Variants in WDFY4 observed in about 807,000 individuals in gnomAD.
WDFY4 encodes the protein WDFY family member 4.
Under a neutral mutation model 351.9 loss-of-function variants are expected in WDFY4, and 169 were observed. That is an observed-to-expected ratio of 0.48 (90% CI 0.42 to 0.55). WDFY4 has a LOEUF of 0.55. Ranked by LOEUF, WDFY4 falls within the 20% of genes least tolerant of loss-of-function variation. WDFY4 has a pLI of 0.00. For missense variants in WDFY4, 3,803 were observed against 3,935.6 expected (o/e 0.97, Z 0.90); for synonymous variants, 1,622 against 1,574.6 (o/e 1.03, Z -0.71).
chr10:48,775,916 G>T (rs1275165150), intron 15 of WDFY4, 110 bp downstream of exon 15: 1 of 1,026,016 alleles, frequency 9.7e-7, no homozygotes, highest in African/African-American at 1.6e-5. Context: ...TTTAAACATG[G>T]TTTTGTCTGC....
chr10:48,887,542 G>C (rs1183494655), intron 43 of WDFY4, among the ~76,000 whole-genome samples: 4 of 152,186 alleles, frequency 2.6e-5, no homozygotes, highest in African/African-American at 9.7e-5. Flanking sequence ...ACTTTGGGAG[G>C]CCAAGACGGG....
At position 48,890,653 on chromosome 10, in the gene WDFY4, A is replaced by G. The variant is rs1372592537; in HGVS notation, c.7242A>G (p.Gln2414=). Residue 2414 remains glutamine (Q), a synonymous_variant, in exon 44 of 62, where the codon CAA becomes CAG. Coordinates refer to ENST00000325239, the MANE Select transcript of WDFY4 (RefSeq NM_001394531.1). ...VSEGVLLFGH[Q]HFYICENFTL... ...AAGGGGTCCTGCTTTTTGGCCACCA[A>G]CACTTCTACATCTGCGAGAACTTCA... 2 of 1,551,626 alleles carry G rather than the reference A, an allele frequency of 1.3e-6. No homozygotes were observed. The highest frequency in any genetic ancestry group is 1.7e-6 in the Non-Finnish European group (2 of 1,146,964).
At chr10:48,717,131 G>C (rs1713760452) in intron 2 of WDFY4, among the ~76,000 whole-genome samples, 1 of 152,248 alleles carries the variant, frequency 6.6e-6, no homozygotes, top group South Asian at 2.1e-4. Flanking sequence ...GGCTTGTGGT[G>C]AGGATTAGTG....
intron 47 of WDFY4, among the ~76,000 whole-genome samples, chr10:48,919,100 G>A (rs1246019456): frequency 1.3e-5 from 2 of 152,028 alleles, no homozygotes; most frequent in East Asian, 3.9e-4. Context: ...CGAATTTAAA[G>A]GAGTTGAAAT....
At chr10:48,800,932 C>T (rs932754301) in intron 24 of WDFY4, among the ~76,000 whole-genome samples, 2 of 151,932 alleles carry the variant, frequency 1.3e-5, no homozygotes, top group Admixed American at 6.6e-5. Flanking sequence ...GGGATTTCAC[C>T]ATATTGGTCA....
intron 39 of WDFY4, among the ~76,000 whole-genome samples, chr10:48,837,133 CT>C (rs1183243824): frequency 6.6e-6 from 1 of 151,888 alleles, no homozygotes; most frequent in East Asian, 1.9e-4. Context: ...GTGTCATCAT[CT>C]GTTTATATAA....
At chr10:48,855,342 C>G (rs1433392157) in intron 39 of WDFY4, among the ~76,000 whole-genome samples, 1 of 152,070 alleles carries the variant, frequency 6.6e-6, no homozygotes, top group Non-Finnish European at 1.5e-5. Context: ...CCAAAGTAGT[C>G]CCTCTTTTAG....
At chr10:48,880,914 G>A (rs2070220840) in intron 43 of WDFY4, among the ~76,000 whole-genome samples, 1 of 152,060 alleles carries the variant, frequency 6.6e-6, no homozygotes, top group South Asian at 2.1e-4. Flanking sequence ...CTGGTGAGGG[G>A]AGGGTGGAGG....
intron 17 of WDFY4, 151 bp from the exon 18 acceptor site, chr10:48,778,460 A>C: frequency 2.7e-6 from 2 of 753,772 alleles, no homozygotes; most frequent in Non-Finnish European, 4.3e-6. Context: ...TTGGCAAGGC[A>C]GCATGCCATA....
At chr10:48,981,216 C>A in intron 60 of WDFY4, 151 bp from the exon 61 acceptor site, 1 of 684,816 alleles carries the variant, frequency 1.5e-6, no homozygotes, top group Non-Finnish European at 2.4e-6. Context: ...CAGCACAGGC[C>A]AAGATTAAAT....
chr10:48,737,197 A>G (rs771328567), intron 11 of WDFY4, among the ~76,000 whole-genome samples: 18 of 152,092 alleles, frequency 1.2e-4, no homozygotes, highest in African/African-American at 1.7e-4. Context: ...CTTTGCACAC[A>G]GGGGGTCTTG....
chr10:48,738,207 T>G (rs1263103018), intron 11 of WDFY4, among the ~76,000 whole-genome samples: 3 of 152,154 alleles, frequency 2.0e-5, no homozygotes, highest in African/African-American at 7.2e-5. Context: ...AGAGTAAAAG[T>G]ATTTTTGTGT....
In WDFY4 at chr10:48,890,547, C is replaced by T. The variant is rs139444877; in HGVS notation, c.7168-32C>T. On this transcript the variant is annotated intron_variant, in intron 43 of 61. Coordinates refer to ENST00000325239, the MANE Select transcript of WDFY4 (RefSeq NM_001394531.1). ...AAGAATCATGGGCATGCTTCCTGTG[C>T]ACCACCTGACTCTGCCACTCTCTCC... The T allele has an allele frequency of 1.1e-4, 170 of 1,551,284 alleles. No individual in the cohort carries two copies. The Middle Eastern group carries it at 1.8e-3, about 17-fold the overall frequency.
Position 48,978,404 on chromosome 10 carries a change from T to C in WDFY4, c.9376+11T>C. 1 of 1,547,764 alleles carries C rather than the reference T, an allele frequency of 6.5e-7. No individual in the cohort carries two copies. The highest frequency in any genetic ancestry group is 8.7e-7 in the Non-Finnish European group (1 of 1,145,282). On this transcript the variant is annotated intron_variant, in intron 60 of 61. Transcript: ENST00000325239. ...CTCCAAGCCCAAGAGGTACCTGACC[T>C]GCTAGGGATGTGGCCGTCCTGGCCT...
chr10:48,827,232 T>C (rs1368146113), intron 36 of WDFY4, among the ~76,000 whole-genome samples: 1 of 151,990 alleles, frequency 6.6e-6, no homozygotes, highest in African/African-American at 2.4e-5. Context: ...GCAGCCAGAC[T>C]CTAGAAGCAT....
At chr10:48,711,915 T>G (rs2063777444) in intron 2 of WDFY4, among the ~76,000 whole-genome samples, 1 of 152,228 alleles carries the variant, frequency 6.6e-6, no homozygotes, top group Non-Finnish European at 1.5e-5. Flanking sequence ...GGAGGGGTTA[T>G]GGGGTTCCCC....
At position 48,974,527 on chromosome 10, in the gene WDFY4, A is replaced by AAAAAAAAAAAAAAAAAACAAAACAAC; in HGVS notation, c.8929-333_8929-332insAAAAAAAAAAAAAAACAAAACAACAA. Among the ~76,000 whole-genome samples the AAAAAAAAAAAAAAAAAACAAAACAAC allele has an allele frequency of 1.1e-3, 25 of 23,194 alleles. 5 individuals are homozygous for AAAAAAAAAAAAAAAAAACAAAACAAC. The highest frequency in any genetic ancestry group is 1.8e-3 in the Admixed American group (3 of 1,670). 15.2% of individuals were successfully genotyped at this position (23,194 alleles called of 152,430 possible). On this transcript the variant is annotated intron_variant, in intron 57 of 61. Coordinates refer to ENST00000325239, the MANE Select transcript of WDFY4 (RefSeq NM_001394531.1). ...CAAAAAAAAAAAAAAAAAAAAAAAA[A>AAAAAAAAAAAAAAAAAACAAAACAAC]AACAACTCATGACATGAACTGCTCC...
chr10:48,698,432 C>T (rs756118287), intron 1 of WDFY4, among the ~76,000 whole-genome samples: 12 of 152,280 alleles, frequency 7.9e-5, no homozygotes, highest in Non-Finnish European at 1.2e-4. Context: ...GCAGATCAGA[C>T]CAAGATTTCC....
At chr10:48,948,870 C>T (rs774037757) in intron 51 of WDFY4, among the ~76,000 whole-genome samples, 2 of 152,240 alleles carry the variant, frequency 1.3e-5, no homozygotes, top group Non-Finnish European at 2.9e-5. Flanking sequence ...TAATTTAAGG[C>T]AGTCTGGACT....
Sources: gnomAD v4.1 joint callset for allele counts (sites outside exome capture counted in the v4.1 genomes callset) on GRCh38, gnomAD v4.1.1 for gene constraint, MANE v1.5 for transcripts, NCBI Gene and HGNC (gene_info 2026-07-23, HGNC 2026-07-21) for gene names.